Variants in POLE observed in about 807,000 individuals in gnomAD.
POLE encodes the protein DNA polymerase epsilon catalytic subunit A.
A neutral mutation model predicts 279.2 loss-of-function variants in POLE; 188 were observed. The ratio of observed to expected loss-of-function variants is 0.67; its 90% CI spans 0.60 to 0.76. The LOEUF is 0.76. Ranked by LOEUF, POLE falls within the 30% of genes least tolerant of loss-of-function variation. The pLI is 0.00. For missense variants in POLE, 2,703 were observed against 3,016.7 expected (o/e 0.90, Z 2.44); for synonymous variants, 1,214 against 1,172.5 (o/e 1.04, Z -0.72).
At position 132,642,527 on chromosome 12, in the gene POLE, G is replaced by A. The variant is rs771896231; in HGVS notation, c.4931C>T (p.Ser1644Leu). ...TCACCTGCTCATCTCGAAGGCCTGC[G>A]ACAGGCAGGTGTCCAGGTTGAGGTA... Reference protein sequence around the residue: ...RHYLNLDTCLSQAFEMSRYFH... With the variant: ...RHYLNLDTCLLQAFEMSRYFH... The change falls in exon 37 of 49, where the codon TCG becomes TTG. Residue 1644 changes from serine to leucine, a missense_variant. Physicochemically the swap from Ser to Leu is moderately radical, Grantham distance 145. Transcript: ENST00000320574. 5.0e-6 allele frequency: 8 copies of A among 1,613,494 alleles called. No homozygotes were observed. The East Asian group carries it at 6.7e-5, about 13-fold the overall frequency.
chr12:132,632,723 C>T lies in POLE; in HGVS notation c.6077G>A (p.Arg2026Lys), dbSNP rs796605809. 3.7e-6 allele frequency: 6 copies of T among 1,613,762 alleles called. No individual in the cohort carries two copies. Among genetic ancestry groups the T allele is most frequent in the Non-Finnish European group, 4.2e-6 (5 of 1,179,938 alleles). ...GGAGAGCTGGCTGGCCCCCCTCCTCCTCACGGGGGTGCTCCCTGGAGCACT... is the reference window on the plus strand; with the variant it reads ...GGAGAGCTGGCTGGCCCCCCTCCTCTTCACGGGGGTGCTCCCTGGAGCACT... The part of the protein sequence containing the change: ...RRSAPGSTPV[R>K]RRGASQLSQE... Residue 2026 changes from arginine to lysine, a missense_variant, in exon 44 of 49, where the codon AGG becomes AAG. Around this residue, in one of 5 missense-constraint regions of POLE, gnomAD observed 1,551 missense variants for 1,686.1 expected, o/e 0.92. Transcript: ENST00000320574.
At chr12:132,635,441 A>G (rs1233205124) in intron 42 of POLE, among the ~76,000 whole-genome samples, 1 of 152,118 alleles carries the variant, frequency 6.6e-6, no homozygotes, top group East Asian at 1.9e-4. Context: ...AAGCTCCAAC[A>G]TCACCCACAC....
At chr12:132,663,558 T>A (rs1049452158) in intron 23 of POLE, among the ~76,000 whole-genome samples, 3 of 152,190 alleles carry the variant, frequency 2.0e-5, no homozygotes, top group Non-Finnish European at 2.9e-5. Context: ...CGGCGCCACG[T>A]GGGTCCTTGC....
Position 132,639,396 on chromosome 12 carries a change from C to A in POLE, c.5379-98G>T, listed in dbSNP as rs922320840. The A allele has an allele frequency of 3.0e-5, 35 of 1,156,980 alleles. 2 individuals are homozygous for A. In the South Asian group the frequency reaches 4.9e-4, roughly 16 times the overall value. The allele number at this position is 1,156,980 out of a possible 1,614,324, so 71.7% of individuals were successfully genotyped here. A position where few individuals can be genotyped will look rare whatever the true frequency, so the allele number is the denominator to read the frequency against. ...GAAATGGGCACAGGTTTTCCCTACA[C>A]GGCTGGGTCCAAATCCGTCACTGTC... On this transcript the variant is annotated intron_variant, in intron 39 of 48. Coordinates refer to ENST00000320574, the MANE Select transcript of POLE (RefSeq NM_006231.4). This position sits in a 1 kb window ranked among gnomAD's most constrained non-coding sequence, Gnocchi z 4.7.
chr12:132,629,068 C>T lies in POLE; in HGVS notation c.6331-2751G>A, dbSNP rs74654992. ...ATGAAATATATTTTTAAATAATAAACGTTGAAAGTCGAAATTGCTCCTTGA... is the reference window on the plus strand; with the variant it reads ...ATGAAATATATTTTTAAATAATAAATGTTGAAAGTCGAAATTGCTCCTTGA... On this transcript the variant is annotated intron_variant, in intron 45 of 48. Transcript: ENST00000320574. Among the ~76,000 whole-genome samples, 370 of 152,302 alleles carry T rather than the reference C, an allele frequency of 2.4e-3. 1 individual carries two copies. The highest frequency in any genetic ancestry group is 8.4e-3 in the African/African-American group (347 of 41,554).
At chr12:132,687,182 G>A in intron 1 of POLE, 72 bp downstream of exon 1, 9 of 990,548 alleles carry the variant, frequency 9.1e-6, no homozygotes, top group Non-Finnish European at 1.2e-5. Context: ...CGCCTCGGCG[G>A]CGCCAGCCGA....
At chr12:132,638,463 A>G (rs2042077247) in intron 40 of POLE, 1 of 188,096 alleles carries the variant, frequency 5.3e-6, no homozygotes, top group East Asian at 1.4e-4. Context: ...ACAAAGGACT[A>G]GAAGAGAAAA....
At position 132,639,205 on chromosome 12, in the gene POLE, C is replaced by G. The variant is rs929928230; in HGVS notation, c.5472G>C (p.Trp1824Cys). The G allele has an allele frequency of 1.2e-6, 2 of 1,614,068 alleles. No individual in the cohort carries two copies. Among genetic ancestry groups the G allele is most frequent in the Non-Finnish European group, 8.5e-7 (1 of 1,179,968 alleles). Reference sequence around the variant, plus strand: ...GAAGCAGAGAGGATGGCGACCGAAGCCAGCGGTAGAAGTGCATCACCTGGT... The same window carrying G: ...GAAGCAGAGAGGATGGCGACCGAAGGCAGCGGTAGAAGTGCATCACCTGGT... ...ADNQVMHFYR[W>C]LRSPSSLLHD... The change falls in exon 40 of 49, where the codon TGG becomes TGC. Residue 1824 changes from tryptophan (W) to cysteine (C), a missense_variant. By Grantham distance (215) the Trp-to-Cys change is radical. This residue lies in a region of POLE where 1,551 missense variants were observed against 1,686.1 expected (regional missense o/e 0.92). Transcript: ENST00000320574. This position sits in a 1 kb window ranked among gnomAD's most constrained non-coding sequence, Gnocchi z 4.7.
intron 26 of POLE, 93 bp downstream of exon 26, chr12:132,659,202 G>C: frequency 7.6e-7 from 1 of 1,310,736 alleles, no homozygotes; most frequent in Non-Finnish European, 1.1e-6. Flanking sequence ...TCTCTGTGAT[G>C]AGGGGAGCCC....
At chr12:132,635,083 T>G (rs1450318803) in intron 42 of POLE, among the ~76,000 whole-genome samples, 3 of 152,068 alleles carry the variant, frequency 2.0e-5, no homozygotes, top group Non-Finnish European at 4.4e-5. Flanking sequence ...CTCAGTCCAC[T>G]ATGAGGGCCC....
At chr12:132,648,546 T>C in intron 32 of POLE, 1 of 176,472 alleles carries the variant, frequency 5.7e-6, no homozygotes, top group Non-Finnish European at 1.2e-5. Flanking sequence ...CTGGCAATAG[T>C]CATGCCACTA....
intron 32 of POLE, among the ~76,000 whole-genome samples, chr12:132,646,525 TA>T (rs57636810): frequency 0.065 from 9,417 of 144,656 alleles, 353 homozygotes; most frequent in Non-Finnish European, 0.086. Flanking sequence ...TTTCTTCCTT[TA>T]AAAAAAAAAA....
At position 132,626,294 on chromosome 12, in the gene POLE, G is replaced by T; in HGVS notation, c.6354C>A (p.Ile2118=). 6.2e-7 allele frequency: 1 copy of T among 1,613,786 alleles called. No individual in the cohort carries two copies. Among genetic ancestry groups the T allele is most frequent in the South Asian group, 1.1e-5 (1 of 91,082 alleles). The change falls in exon 46 of 49, where the codon ATC becomes ATA. Residue 2118 remains isoleucine (I), a synonymous_variant. Coordinates refer to ENST00000320574, the MANE Select transcript of POLE (RefSeq NM_006231.4). ...GGTTCAGCTTATTCACCTGGTTTGTGATGTTGGTGTCCAGGGACAGCACCT... is the reference window on the plus strand; with the variant it reads ...GGTTCAGCTTATTCACCTGGTTTGTTATGTTGGTGTCCAGGGACAGCACCT... ...VCKVLSLDTN[I]TNQVNKLNRD...
At chr12:132,669,044 T>A (rs5744796) in intron 16 of POLE, 105 bp from the exon 17 acceptor site, 6 of 1,119,152 alleles carry the variant, frequency 5.4e-6, no homozygotes, top group Non-Finnish European at 6.2e-6. Context: ...CTGAAAAATA[T>A]ATAAATAGAG....
At chr12:132,644,184 C>T (rs1185100219) in intron 32 of POLE, among the ~76,000 whole-genome samples, 3 of 152,136 alleles carry the variant, frequency 2.0e-5, no homozygotes, top group Non-Finnish European at 4.4e-5. Context: ...TTTTTACAGA[C>T]AGGGTCTTAG....
chr12:132,651,791 G>A (rs1271651437), intron 29 of POLE, among the ~76,000 whole-genome samples: 1 of 152,224 alleles, frequency 6.6e-6, no homozygotes, highest in Non-Finnish European at 1.5e-5. Flanking sequence ...GAGCCCCATG[G>A]AGCAGGGGAC....
intron 15 of POLE, 146 bp from the exon 16 acceptor site, chr12:132,672,468 T>C (rs1267222507): frequency 1.9e-6 from 2 of 1,032,386 alleles, no homozygotes; most frequent in Non-Finnish European, 2.9e-6. Context: ...TGCACTGCCC[T>C]AAAGAAGCCC....
intron 38 of POLE, 49 bp from the exon 39 acceptor site, chr12:132,641,900 C>A (rs905252912): frequency 6.4e-7 from 1 of 1,566,902 alleles, no homozygotes; most frequent in African/African-American, 1.3e-5. Context: ...AGCTCCAGCA[C>A]CACCAGCCCC....
chr12:132,675,010 C>A lies in POLE; in HGVS notation c.1226+388G>T, dbSNP rs577609307. Among the ~76,000 whole-genome samples, 1 of 152,326 alleles carries A rather than the reference C, an allele frequency of 6.6e-6. No individual in the cohort carries two copies. The highest frequency in any genetic ancestry group is 1.5e-5 in the Non-Finnish European group (1 of 68,030). The stretch of plus-strand genomic sequence containing the variant: ...CTCCGAAGCTCTGAGCTGCCTCCCA[C>A]CCTAGCTCATATGGAATCTGTGGTT... On this transcript the variant is annotated intron_variant, in intron 12 of 48. Transcript: ENST00000320574. The surrounding 1 kb of genome is among the most constrained non-coding windows in gnomAD (Gnocchi z 4.3).
Sources: allele counts gnomAD v4.1 joint callset (sites outside exome capture counted in the v4.1 genomes callset), GRCh38; gene constraint gnomAD v4.1.1; regional missense constraint gnomAD v4.1.1; non-coding constraint Gnocchi (gnomAD v3.1); transcripts MANE v1.5; gene names NCBI Gene and HGNC (gene_info 2026-07-23, HGNC 2026-07-21).